Variants in ELAPOR2 observed in about 807,000 individuals in gnomAD.
ELAPOR2 encodes endosome-lysosome associated apoptosis and autophagy regulator family member 2, also known as endosome/lysosome-associated apoptosis and autophagy regulator family member 2.
Under a neutral mutation model 120.7 loss-of-function variants are expected in ELAPOR2, and 89 were observed. The observed-to-expected ratio is 0.74, with a 90% CI of 0.62 to 0.88. ELAPOR2 has a LOEUF of 0.88. ELAPOR2 is among the 40% of genes least tolerant of loss of function. The pLI is 0.00. For missense variants in ELAPOR2, 1,134 were observed against 1,251.6 expected, an observed-to-expected ratio of 0.91 and a Z score of 1.42; for synonymous variants, 444 against 444.9, an observed-to-expected ratio of 1.00 and a Z score of 0.03.
chr7:86,880,834 G>A (rs1023484069), intron 21 of ELAPOR2, among the ~76,000 whole-genome samples: 2 of 151,512 alleles, frequency 1.3e-5, no homozygotes, highest in African/African-American at 4.9e-5. Context: ...GACCCTTCCT[G>A]GGGACATACC....
At chr7:87,019,675 C>G (rs1260735707) in intron 1 of ELAPOR2, among the ~76,000 whole-genome samples, 2 of 152,148 alleles carry the variant, frequency 1.3e-5, no homozygotes, top group Non-Finnish European at 2.9e-5. Context: ...GAAACAGACA[C>G]TCAAATATTG....
intron 1 of ELAPOR2, among the ~76,000 whole-genome samples, chr7:87,021,101 C>A (rs1241649018): frequency 6.6e-6 from 1 of 152,084 alleles, no homozygotes; most frequent in Admixed American, 6.6e-5. Context: ...AATAAAGTGA[C>A]TAGCTAAGGA....
At chr7:87,045,502 G>T (rs10255087) in intron 1 of ELAPOR2, among the ~76,000 whole-genome samples, 1 of 150,142 alleles carries the variant, frequency 6.7e-6, no homozygotes, top group Non-Finnish European at 1.5e-5. Flanking sequence ...GTAAACTATC[G>T]CAAGAACAAA....
intron 2 of ELAPOR2, among the ~76,000 whole-genome samples, chr7:86,949,519 G>A (rs903477943): frequency 3.3e-5 from 5 of 152,134 alleles, no homozygotes; most frequent in Non-Finnish European, 5.9e-5. Context: ...TGGGGGCCAG[G>A]AGCAGGCAGG....
At chr7:86,968,553 T>C (rs146876885) in intron 1 of ELAPOR2, among the ~76,000 whole-genome samples, 144 of 152,322 alleles carry the variant, frequency 9.5e-4, no homozygotes, top group African/African-American at 3.3e-3. Flanking sequence ...TCATTTGTAT[T>C]ATTATCAGTT....
intron 1 of ELAPOR2, among the ~76,000 whole-genome samples, chr7:87,050,845 T>C (rs1795079202): frequency 6.6e-6 from 1 of 152,100 alleles, no homozygotes; most frequent in African/African-American, 2.4e-5. Context: ...GATTTGCTGA[T>C]AGGATGGATG....
At chr7:87,042,589 T>C (rs918106224) in intron 1 of ELAPOR2, among the ~76,000 whole-genome samples, 3 of 151,868 alleles carry the variant, frequency 2.0e-5, no homozygotes, top group Non-Finnish European at 4.4e-5. Context: ...CATACCAGAA[T>C]CTCTGGGATG....
intron 8 of ELAPOR2, among the ~76,000 whole-genome samples, chr7:86,937,345 CCT>C (rs1311101844): frequency 2.0e-5 from 3 of 151,988 alleles, no homozygotes; most frequent in Non-Finnish European, 2.9e-5. Flanking sequence ...TAATAAATTC[CCT>C]GACATCTATA....
At chr7:86,968,280 CAAAGGATCATTTA>C (rs1304717151) in intron 1 of ELAPOR2, among the ~76,000 whole-genome samples, 1 of 152,066 alleles carries the variant, frequency 6.6e-6, no homozygotes, top group East Asian at 1.9e-4. Context: ...CGGAAATTTT[CAAAGGATCATTTA>C]AAAGAAAAAG....
intron 1 of ELAPOR2, among the ~76,000 whole-genome samples, chr7:86,999,032 A>G (rs1348200795): frequency 6.6e-6 from 1 of 152,088 alleles, no homozygotes; most frequent in Non-Finnish European, 1.5e-5. Flanking sequence ...AGAAAAAAGT[A>G]TCAAACTGGT....
chr7:87,049,022 T>C (rs745879060), intron 1 of ELAPOR2, among the ~76,000 whole-genome samples: 44 of 152,226 alleles, frequency 2.9e-4, no homozygotes, highest in Middle Eastern at 3.2e-3. Flanking sequence ...TAAAACAGCC[T>C]ATGTGCCCAA....
At chr7:87,039,064 G>A (rs1397732983) in intron 1 of ELAPOR2, among the ~76,000 whole-genome samples, 2 of 151,782 alleles carry the variant, frequency 1.3e-5, no homozygotes, top group Non-Finnish European at 2.9e-5. Flanking sequence ...AATAAAATCA[G>A]AAATGAAAAA....
At chr7:86,905,200 G>A (rs1788948668) in intron 18 of ELAPOR2, among the ~76,000 whole-genome samples, 1 of 150,354 alleles carries the variant, frequency 6.7e-6, no homozygotes, top group African/African-American at 2.4e-5. Context: ...GAGAGAGAGA[G>A]AGAGAAAGAG....
chr7:86,891,105 C>T (rs1188083541), intron 21 of ELAPOR2: 4 of 152,004 alleles, frequency 2.6e-5, no homozygotes, highest in African/African-American at 7.2e-5. Context: ...CCAAAGCCAG[C>T]AATATTTTAC....
At chr7:87,008,732 C>T (rs1014051212) in intron 1 of ELAPOR2, among the ~76,000 whole-genome samples, 1 of 152,076 alleles carries the variant, frequency 6.6e-6, no homozygotes, top group Non-Finnish European at 1.5e-5. Flanking sequence ...GATGAAGGGC[C>T]ATAATGTCTC....
chr7:87,057,449 A>T (rs1016282020), intron 1 of ELAPOR2, among the ~76,000 whole-genome samples: 3 of 152,224 alleles, frequency 2.0e-5, no homozygotes, highest in African/African-American at 2.4e-5. Context: ...AAGAACATAA[A>T]TGGATCTGTG....
intron 1 of ELAPOR2, among the ~76,000 whole-genome samples, chr7:87,044,757 G>A (rs1794894788): frequency 2.6e-5 from 4 of 151,796 alleles, no homozygotes; most frequent in Admixed American, 2.0e-4. Context: ...ATTGACAAAC[G>A]GGATCTAATT....
At chr7:86,916,351 T>G (rs1789568196) in intron 12 of ELAPOR2, among the ~76,000 whole-genome samples, 1 of 151,922 alleles carries the variant, frequency 6.6e-6, no homozygotes, top group African/African-American at 2.4e-5. Context: ...ATGATTGGAG[T>G]TCATCAGACA....
At position 86,968,156 on chromosome 7, in the gene ELAPOR2, G is replaced by A. The variant is rs573967196; in HGVS notation, c.190-3132C>T. On this transcript the variant is annotated intron_variant, in intron 1 of 21. Coordinates refer to ENST00000450689, the MANE Select transcript of ELAPOR2 (RefSeq NM_001142749.3). ...CCAAATATTCTGAATGGCATTCAGG[G>A]TACTGAATAAAGAGAATTACAGCAC... Among the ~76,000 whole-genome samples the A allele has an allele frequency of 3.9e-5, 6 of 152,292 alleles. No individual in the cohort carries two copies. The East Asian group carries it at 7.7e-4, about 20-fold the overall frequency.
Sources: allele counts gnomAD v4.1 joint callset (sites outside exome capture counted in the v4.1 genomes callset), GRCh38; gene constraint gnomAD v4.1.1; transcripts MANE v1.5; gene names NCBI Gene and HGNC (gene_info 2026-07-23, HGNC 2026-07-21).